The following SHISA6 variants were observed in gnomAD, a reference collection of about 807,000 sequenced individuals.
SHISA6 encodes the protein shisa family member 6.
A neutral mutation model predicts 47.9 loss-of-function variants in SHISA6; 22 were observed. That is an observed-to-expected ratio of 0.46 (90% CI 0.33 to 0.66). SHISA6 has a LOEUF of 0.66. Among genes scored for constraint, SHISA6 ranks in the 30% least tolerant of loss-of-function variants. The pLI is 0.02. For synonymous variants in SHISA6, 388 were observed against 337.8 expected (o/e 1.15, Z -1.63); for missense variants, 680 against 764.6 (o/e 0.89, Z 1.30).
intron 2 of SHISA6, among the ~76,000 whole-genome samples, chr17:11,370,000 G>T (rs925502568): frequency 2.0e-5 from 3 of 152,174 alleles, no homozygotes; most frequent in Non-Finnish European, 4.4e-5. Context: ...CCATGACCTT[G>T]CACTGTTTAC....
At chr17:11,545,184 C>G (rs1002831090) in intron 3 of SHISA6, among the ~76,000 whole-genome samples, 5 of 151,562 alleles carry the variant, frequency 3.3e-5, no homozygotes, top group Non-Finnish European at 5.9e-5. Context: ...ACATCCATAC[C>G]ATGGAATATT....
intron 2 of SHISA6, among the ~76,000 whole-genome samples, chr17:11,353,450 C>G (rs550837938): frequency 6.9e-6 from 1 of 145,894 alleles, no homozygotes; most frequent in East Asian, 2.0e-4. Flanking sequence ...AGCAAGACTC[C>G]GTCTAAAAAA....
intron 2 of SHISA6, among the ~76,000 whole-genome samples, chr17:11,377,836 C>G (rs548681381): frequency 6.6e-6 from 1 of 152,152 alleles, no homozygotes; most frequent in Admixed American, 6.5e-5. Context: ...TGCCTAAGCC[C>G]GGACCCCACT....
chr17:11,426,568 G>C (rs1291498981), intron 3 of SHISA6, among the ~76,000 whole-genome samples: 1 of 152,214 alleles, frequency 6.6e-6, no homozygotes, highest in Non-Finnish European at 1.5e-5. Context: ...GAGCACCTCT[G>C]TTGGAAATAG....
intron 2 of SHISA6, among the ~76,000 whole-genome samples, chr17:11,304,807 C>G (rs1910049535): frequency 6.6e-6 from 1 of 152,004 alleles, no homozygotes; most frequent in Non-Finnish European, 1.5e-5. Flanking sequence ...CCGGTAGGAG[C>G]TGGGGATGAG....
intron 3 of SHISA6, among the ~76,000 whole-genome samples, chr17:11,526,929 A>G (rs1216769240): frequency 4.2e-5 from 1 of 23,588 alleles, no homozygotes; most frequent in East Asian, 1.9e-3. Flanking sequence ...ATATATATAT[A>G]TATATATTAT....
At chr17:11,408,922 G>A (rs576189538) in intron 3 of SHISA6, among the ~76,000 whole-genome samples, 1 of 152,244 alleles carries the variant, frequency 6.6e-6, no homozygotes, top group South Asian at 2.1e-4. Flanking sequence ...ACACTATAAA[G>A]ACTGGAGCTT....
At chr17:11,347,879 C>T (rs1268739488) in intron 2 of SHISA6, among the ~76,000 whole-genome samples, 2 of 152,270 alleles carry the variant, frequency 1.3e-5, no homozygotes, top group Admixed American at 6.5e-5. Context: ...GGTTGTCCCA[C>T]GTAACCCACT....
At chr17:11,548,317 A>G (rs908520872) in intron 3 of SHISA6, among the ~76,000 whole-genome samples, 3 of 152,202 alleles carry the variant, frequency 2.0e-5, no homozygotes, top group African/African-American at 7.2e-5. Flanking sequence ...GCTTCATGCT[A>G]TACTGTTTCA....
At chr17:11,259,088 AGATG>A (rs1433475808) in intron 1 of SHISA6, among the ~76,000 whole-genome samples, 1 of 151,396 alleles carries the variant, frequency 6.6e-6, no homozygotes, top group Non-Finnish European at 1.5e-5. Flanking sequence ...GAATTGGGGG[AGATG>A]GATATAATTT....
At chr17:11,367,968 T>C (rs1298023688) in intron 2 of SHISA6, among the ~76,000 whole-genome samples, 3 of 152,092 alleles carry the variant, frequency 2.0e-5, no homozygotes, top group Non-Finnish European at 4.4e-5. Context: ...GCCGGACAGC[T>C]CCCCCACCTA....
intron 3 of SHISA6, among the ~76,000 whole-genome samples, chr17:11,398,248 C>T (rs1913641184): frequency 6.6e-6 from 1 of 152,014 alleles, no homozygotes; most frequent in African/African-American, 2.4e-5. Flanking sequence ...GCTGTATATA[C>T]TATTCGTATT....
At chr17:11,436,826 A>T (rs1167407375) in intron 3 of SHISA6, among the ~76,000 whole-genome samples, 1 of 152,234 alleles carries the variant, frequency 6.6e-6, no homozygotes, top group Non-Finnish European at 1.5e-5. Flanking sequence ...ATAGAGTGGT[A>T]AAATTCTATC....
chr17:11,492,387 A>G (rs560383914), intron 3 of SHISA6, among the ~76,000 whole-genome samples: 1 of 152,300 alleles, frequency 6.6e-6, no homozygotes, highest in South Asian at 2.1e-4. Context: ...AGCCTTGGTG[A>G]TTCGGTAGAG....
At position 11,381,761 on chromosome 17, in the gene SHISA6, C is replaced by T. The variant is rs186709207; in HGVS notation, c.895+2252C>T. ...CTGCTGGGGGCATCCAGGAGACCCT[C>T]CCCTGCCCATGCCTGTGGGGCTGTG... On this transcript the variant is annotated intron_variant, in intron 3 of 5. Transcript: ENST00000441885. Among the ~76,000 whole-genome samples the T allele has an allele frequency of 8.5e-5, 13 of 152,296 alleles. No homozygotes were observed. The South Asian group carries it at 2.3e-3, about 27-fold the overall frequency.
intron 2 of SHISA6, among the ~76,000 whole-genome samples, chr17:11,371,112 T>C (rs1912618336): frequency 1.3e-5 from 2 of 152,240 alleles, no homozygotes; most frequent in African/African-American, 2.4e-5. Flanking sequence ...TGCTGCTCTC[T>C]GGAGATTTTT....
intron 3 of SHISA6, among the ~76,000 whole-genome samples, chr17:11,410,406 T>A (rs1914082386): frequency 6.6e-6 from 1 of 152,186 alleles, no homozygotes; most frequent in Non-Finnish European, 1.5e-5. Flanking sequence ...TGGGTGCAGA[T>A]GAGGAAAAGG....
chr17:11,326,058 C>T (rs534730255), intron 2 of SHISA6, among the ~76,000 whole-genome samples: 1 of 152,260 alleles, frequency 6.6e-6, no homozygotes, highest in African/African-American at 2.4e-5. Flanking sequence ...ATCACGAGGT[C>T]AGGAGATCGT....
chr17:11,490,293 C>T (rs570893326), intron 3 of SHISA6, among the ~76,000 whole-genome samples: 6 of 151,988 alleles, frequency 3.9e-5, no homozygotes, highest in East Asian at 1.9e-4. Flanking sequence ...ATAATCACAA[C>T]GGTGGAGGCG....
Sources: gnomAD v4.1 joint callset for allele counts (sites outside exome capture counted in the v4.1 genomes callset) on GRCh38, gnomAD v4.1.1 for gene constraint, MANE v1.5 for transcripts, NCBI Gene and HGNC (gene_info 2026-07-23, HGNC 2026-07-21) for gene names.